Variants in THSD4 observed in about 807,000 individuals in gnomAD.
The protein encoded by THSD4 is thrombospondin type-1 domain-containing protein 4.
A neutral mutation model predicts 119.0 loss-of-function variants in THSD4; 69 were observed. That is an observed-to-expected ratio of 0.58 (90% CI 0.48 to 0.71). The LOEUF is 0.71. THSD4 is among the 30% of genes least tolerant of loss of function. The pLI, the probability that THSD4 is intolerant of heterozygous loss-of-function variation, is 0.00. For missense variants in THSD4, 1,393 were observed against 1,391.1 expected, an observed-to-expected ratio of 1.00 and a Z score of -0.02; for synonymous variants, 524 against 540.4, an observed-to-expected ratio of 0.97 and a Z score of 0.42.
At chr15:71,141,063 T>TGTTGA (rs2040598931) in intron 1 of THSD4, among the ~76,000 whole-genome samples, 1 of 152,274 alleles carries the variant, frequency 6.6e-6, no homozygotes, top group African/African-American at 2.4e-5. Flanking sequence ...ACAATATTTT[T>TGTTGA]ACTCAACTTG....
chr15:71,689,284 G>A (rs901080579), intron 8 of THSD4, among the ~76,000 whole-genome samples: 1 of 152,182 alleles, frequency 6.6e-6, no homozygotes, highest in African/African-American at 2.4e-5. Context: ...GTAGCTCTGG[G>A]CTTCCGGAAG....
intron 7 of THSD4, among the ~76,000 whole-genome samples, chr15:71,646,710 G>A (rs564987863): frequency 3.9e-5 from 6 of 152,278 alleles, no homozygotes; most frequent in African/African-American, 1.4e-4. Flanking sequence ...TAATTATTAC[G>A]TATTTTCACT....
intron 7 of THSD4, among the ~76,000 whole-genome samples, chr15:71,635,547 T>C (rs1175230295): frequency 1.3e-5 from 2 of 152,240 alleles, no homozygotes; most frequent in African/African-American, 2.4e-5. Context: ...GAGTTGAGTG[T>C]ATTTTCTCTT....
chr15:71,672,389 G>A (rs2051550363), intron 8 of THSD4, among the ~76,000 whole-genome samples: 1 of 152,210 alleles, frequency 6.6e-6, no homozygotes, highest in African/African-American at 2.4e-5. Flanking sequence ...ATTTGGGGCT[G>A]AGACGATGGG....
chr15:71,219,839 A>G (rs1264945614), intron 4 of THSD4, among the ~76,000 whole-genome samples: 1 of 152,242 alleles, frequency 6.6e-6, no homozygotes, highest in East Asian at 1.9e-4. Context: ...CTAGAATTCA[A>G]AAGAGGTCTG....
intron 3 of THSD4, among the ~76,000 whole-genome samples, chr15:71,160,449 G>C (rs1333628965): frequency 6.6e-6 from 1 of 151,236 alleles, no homozygotes; most frequent in Non-Finnish European, 1.5e-5. Context: ...CTGGTCCTGG[G>C]TTTTATTTTG....
intron 8 of THSD4, among the ~76,000 whole-genome samples, chr15:71,691,342 C>T (rs1170217536): frequency 6.6e-6 from 1 of 152,150 alleles, no homozygotes; most frequent in African/African-American, 2.4e-5. Flanking sequence ...GTTACAACAG[C>T]AAATAGGAAA....
intron 7 of THSD4, among the ~76,000 whole-genome samples, chr15:71,567,410 A>C (rs2049262365): frequency 6.6e-6 from 1 of 152,178 alleles, no homozygotes; most frequent in Non-Finnish European, 1.5e-5. Flanking sequence ...CACTGTGGGC[A>C]CCAGAGCTGA....
At position 71,141,554 on chromosome 15, in the gene THSD4, C is replaced by G. The variant is rs370984083; in HGVS notation, c.27C>G (p.Leu9=). The G allele has an allele frequency of 3.0e-4, 480 of 1,609,300 alleles. 3 individuals carry two copies. The highest frequency in any genetic ancestry group is 3.5e-4 in the Non-Finnish European group (410 of 1,178,136). ...TGGTTTCCCATTTCATGGGGTCTCT[C>G]AGGTAAGTGAAGAAACTTTTTTTAA... The part of the protein sequence containing the change: MVSHFMGS[L]SVLCFLLLLG... The change falls in exon 2 of 18, where the codon CTC becomes CTG. Residue 9 remains leucine, a splice_region_variant and synonymous_variant. Coordinates refer to ENST00000261862, the MANE Select transcript of THSD4 (RefSeq NM_024817.3).
intron 6 of THSD4, among the ~76,000 whole-genome samples, 192 bp from the exon 7 acceptor site, chr15:71,411,495 T>C (rs768947129): frequency 3.9e-5 from 6 of 152,160 alleles, no homozygotes; most frequent in Non-Finnish European, 7.3e-5. Flanking sequence ...TATATAATGG[T>C]TGCGGTTGGA....
Position 71,747,012 on chromosome 15 carries a change from C to T in THSD4, c.2211C>T (p.Ser737=), listed in dbSNP as rs757797092. 11 of 1,612,076 alleles carry T rather than the reference C, an allele frequency of 6.8e-6. No homozygotes were observed. Among genetic ancestry groups the T allele is most frequent in the African/African-American group, 2.7e-5 (2 of 74,892 alleles). Residue 737 remains serine (S), a synonymous_variant, in exon 13 of 18, where the codon AGC becomes AGT. Coordinates refer to ENST00000261862, the MANE Select transcript of THSD4 (RefSeq NM_024817.3). The stretch of plus-strand genomic sequence containing the variant: ...GCACCTGCCAACTCAAGATCTGCAG[C>T]GAGTGGCAGATCCGGACCGACTGGA... ...TTSTCQLKIC[S]EWQIRTDWTS... is the part of the protein sequence containing the mutation.
At chr15:71,660,787 T>G in intron 8 of THSD4, 53 bp downstream of exon 8, 1 of 1,598,622 alleles carries the variant, frequency 6.3e-7, no homozygotes, top group Non-Finnish European at 8.6e-7. Context: ...AGATGATGTA[T>G]TCCTTCAGAA....
intron 14 of THSD4, among the ~76,000 whole-genome samples, chr15:71,753,282 A>G (rs1219772849): frequency 6.6e-6 from 1 of 152,182 alleles, no homozygotes; most frequent in African/African-American, 2.4e-5. Context: ...AGTTCTACAA[A>G]TCAATGATAG....
intron 8 of THSD4, among the ~76,000 whole-genome samples, chr15:71,697,358 G>T (rs2052185492): frequency 6.6e-6 from 1 of 152,314 alleles, no homozygotes; most frequent in East Asian, 1.9e-4. Context: ...CCGGCTGGGG[G>T]TGGGACTTGC....
chr15:71,544,274 A>T lies in THSD4; in HGVS notation c.1153-116256A>T, dbSNP rs116724531. On this transcript the variant is annotated intron_variant, in intron 7 of 17. Transcript: ENST00000261862. ...CGACTGCCACCTACCGCTGTGTGAC[A>T]TGGAGCAAATTATTTAATAAGACTG... is the stretch of plus-strand genomic sequence containing the variant. Among the ~76,000 whole-genome samples the T allele has an allele frequency of 3.4e-3, 518 of 152,342 alleles. 9 individuals are homozygous for T. Among genetic ancestry groups the T allele is most frequent in the African/African-American group, 0.012 (483 of 41,576 alleles).
chr15:71,517,124 G>A (rs1021088411), intron 7 of THSD4, among the ~76,000 whole-genome samples: 1 of 152,134 alleles, frequency 6.6e-6, no homozygotes, highest in Non-Finnish European at 1.5e-5. Context: ...CAAAAGAAAG[G>A]TGAATTAATT....
intron 2 of THSD4, among the ~76,000 whole-genome samples, chr15:71,144,383 C>T (rs933621117): frequency 2.0e-5 from 3 of 152,132 alleles, no homozygotes; most frequent in East Asian, 1.9e-4. Context: ...TTACTTGAAG[C>T]GTGAGAGGTC....
chr15:71,633,962 G>A (rs1480502534), intron 7 of THSD4, among the ~76,000 whole-genome samples: 3 of 152,132 alleles, frequency 2.0e-5, no homozygotes, highest in East Asian at 1.9e-4. Flanking sequence ...CAAGGCAGGC[G>A]GATCACCTGA....
intron 6 of THSD4, among the ~76,000 whole-genome samples, chr15:71,362,262 CAGTG>C (rs534136185): frequency 1.3e-5 from 2 of 152,144 alleles, no homozygotes; most frequent in Non-Finnish European, 2.9e-5. Flanking sequence ...CTGGTTGACA[CAGTG>C]AGACTAAGTC....
Sources: allele counts gnomAD v4.1 joint callset (sites outside exome capture counted in the v4.1 genomes callset), GRCh38; gene constraint gnomAD v4.1.1; transcripts MANE v1.5; gene names NCBI Gene and HGNC (gene_info 2026-07-23, HGNC 2026-07-21).